The following KIAA0319L variants were observed in gnomAD, a reference collection of about 807,000 sequenced individuals.
KIAA0319L encodes dyslexia-associated protein KIAA0319-like protein.
A neutral mutation model predicts 120.1 loss-of-function variants in KIAA0319L; 55 were observed. That is an observed-to-expected ratio of 0.46 (90% CI 0.37 to 0.57). The LOEUF (loss-of-function observed/expected upper bound fraction) is 0.57, where lower values mean the gene tolerates loss of function less well. Ranked by LOEUF, KIAA0319L falls within the 20% of genes least tolerant of loss-of-function variation. The pLI is 0.00. For synonymous variants in KIAA0319L, 398 were observed against 471.9 expected (o/e 0.84, Z 2.03); for missense variants, 1,049 against 1,255.3 (o/e 0.84, Z 2.48).
chr1:35,482,780 T>C (rs1644228002), intron 3 of KIAA0319L, among the ~76,000 whole-genome samples: 1 of 152,188 alleles, frequency 6.6e-6, no homozygotes, highest in Admixed American at 6.5e-5. Context: ...GGTAAATACT[T>C]ATAAATAGAA....
At chr1:35,492,905 T>A (rs894849258) in intron 3 of KIAA0319L, among the ~76,000 whole-genome samples, 2 of 152,176 alleles carry the variant, frequency 1.3e-5, no homozygotes, top group African/African-American at 4.8e-5. Flanking sequence ...ACATCTGTAA[T>A]CCCAGCACAC....
At chr1:35,528,560 T>C (rs1303809263) in intron 2 of KIAA0319L, among the ~76,000 whole-genome samples, 1 of 152,230 alleles carries the variant, frequency 6.6e-6, no homozygotes, top group Non-Finnish European at 1.5e-5. Context: ...TAGAGAATGT[T>C]CCATGTGTTG....
intron 13 of KIAA0319L, 50 bp from the exon 14 acceptor site, chr1:35,450,559 A>C: frequency 6.5e-7 from 1 of 1,541,720 alleles, no homozygotes; most frequent in Non-Finnish European, 8.9e-7. Flanking sequence ...GAAAAGAAGA[A>C]ATGTTTCTTC....
intron 3 of KIAA0319L, among the ~76,000 whole-genome samples, chr1:35,491,331 C>T (rs1034788022): frequency 3.9e-5 from 6 of 152,072 alleles, no homozygotes; most frequent in African/African-American, 1.2e-4. Flanking sequence ...ACTATAAACC[C>T]ACATTCTAAT....
At chr1:35,492,144 T>C (rs1218660776) in intron 3 of KIAA0319L, among the ~76,000 whole-genome samples, 1 of 152,222 alleles carries the variant, frequency 6.6e-6, no homozygotes, top group African/African-American at 2.4e-5. Flanking sequence ...CAACTCATTC[T>C]ATGAGGCCAG....
intron 2 of KIAA0319L, among the ~76,000 whole-genome samples, chr1:35,513,839 G>C (rs1004627642): frequency 1.5e-4 from 23 of 152,148 alleles, no homozygotes; most frequent in Admixed American, 1.4e-3. Context: ...TTGTGAGAGT[G>C]ATGTCTTTAA....
At chr1:35,435,202 T>G (rs1406112749) in intron 20 of KIAA0319L, 121 bp from the exon 21 acceptor site, 4 of 884,068 alleles carry the variant, frequency 4.5e-6, no homozygotes, top group Non-Finnish European at 7.1e-6. Context: ...CTCTCCAGGC[T>G]GGGAGGTGCA....
chr1:35,457,308 G>A (rs1354080971), intron 9 of KIAA0319L, among the ~76,000 whole-genome samples: 2 of 151,968 alleles, frequency 1.3e-5, no homozygotes, highest in East Asian at 1.9e-4. Flanking sequence ...TGCAAGCTCC[G>A]TCTGCAGCAG....
At position 35,438,883 on chromosome 1, in the gene KIAA0319L, T is replaced by C. The variant is rs1158056223; in HGVS notation, c.2962+2164A>G. 3.9e-5 allele frequency: 6 copies of C among 152,626 alleles called. No individual in the cohort carries two copies. In the East Asian group the frequency reaches 1.2e-3, roughly 29 times the overall value. 9.5% of individuals were successfully genotyped at this position (152,626 alleles called of 1,614,324 possible). A position where few individuals can be genotyped will look rare whatever the true frequency, so the allele number is the denominator to read the frequency against. Reference sequence around the variant, plus strand: ...AAAAAAACCTGGGGATGGTGGCGCATGCCTGTGGTCCCAGCTACTTAGGAA... The same window carrying C: ...AAAAAAACCTGGGGATGGTGGCGCACGCCTGTGGTCCCAGCTACTTAGGAA... On this transcript the variant is annotated intron_variant, in intron 20 of 20. Coordinates refer to ENST00000325722, the MANE Select transcript of KIAA0319L (RefSeq NM_024874.5).
intron 2 of KIAA0319L, among the ~76,000 whole-genome samples, chr1:35,527,694 C>T (rs1241069876): frequency 2.0e-5 from 3 of 151,994 alleles, no homozygotes; most frequent in Middle Eastern, 3.2e-3. Context: ...ATGTATAGTT[C>T]ATGTTCTCTG....
chr1:35,543,823 T>A (rs941536931), intron 2 of KIAA0319L, among the ~76,000 whole-genome samples: 2 of 152,178 alleles, frequency 1.3e-5, no homozygotes, highest in Non-Finnish European at 2.9e-5. Flanking sequence ...GGGTGATAAT[T>A]AATCTCTCCC....
intron 20 of KIAA0319L, chr1:35,435,609 G>A (rs1358029019): frequency 1.3e-5 from 2 of 153,294 alleles, no homozygotes; most frequent in Non-Finnish European, 2.9e-5. Context: ...TAGGGTGGCA[G>A]AGTAGGTGCA....
chr1:35,464,396 G>A (rs1053935188), intron 7 of KIAA0319L, among the ~76,000 whole-genome samples: 3 of 152,214 alleles, frequency 2.0e-5, no homozygotes, highest in Non-Finnish European at 4.4e-5. Context: ...GAGACTGGCA[G>A]CATTTTGCCC....
At chr1:35,448,112 A>C in intron 16 of KIAA0319L, 61 bp downstream of exon 16, 1 of 1,477,912 alleles carries the variant, frequency 6.8e-7, no homozygotes. Context: ...TTCTCAGCTC[A>C]TTCAAGAAGC....
At chr1:35,486,399 GAA>G (rs1335247626) in intron 3 of KIAA0319L, among the ~76,000 whole-genome samples, 3 of 129,552 alleles carry the variant, frequency 2.3e-5, no homozygotes, top group Admixed American at 7.7e-5. Context: ...AAAAAAAAAA[GAA>G]TAAGTTTTTC....
chr1:35,449,201 C>T (rs1641864854), intron 15 of KIAA0319L, among the ~76,000 whole-genome samples: 1 of 152,112 alleles, frequency 6.6e-6, no homozygotes, highest in Non-Finnish European at 1.5e-5. Context: ...ATGAGGTTGG[C>T]CTAGATAATA....
rs181632436 is a variant in KIAA0319L, at chr1:35,472,527, A to G, written c.1016-1567T>C. Among the ~76,000 whole-genome samples the G allele has an allele frequency of 3.3e-3, 508 of 152,150 alleles. 2 individuals carry two copies. Among genetic ancestry groups the G allele is most frequent in the Non-Finnish European group, 4.7e-3 (317 of 67,964 alleles). On this transcript the variant is annotated intron_variant, in intron 5 of 20. Transcript: ENST00000325722. ...AGCTGGTCTCAAACTTCTGACCTCA[A>G]GTCAGGATCTGCCTGCCTCAGCCTC...
At chr1:35,462,565 T>C in intron 8 of KIAA0319L, 56 bp downstream of exon 8, 1 of 1,403,736 alleles carries the variant, frequency 7.1e-7, no homozygotes, top group Non-Finnish European at 1.0e-6. Flanking sequence ...TAGAGTTTTC[T>C]ATCAGAGTAC....
intron 2 of KIAA0319L, among the ~76,000 whole-genome samples, chr1:35,521,380 A>T (rs1645903943): frequency 6.6e-6 from 1 of 152,064 alleles, no homozygotes; most frequent in South Asian, 2.1e-4. Flanking sequence ...CACGCCTGTA[A>T]TCCCAGCACT....
Sources: gnomAD v4.1 joint callset for allele counts (sites outside exome capture counted in the v4.1 genomes callset) on GRCh38, gnomAD v4.1.1 for gene constraint, MANE v1.5 for transcripts, NCBI Gene and HGNC (gene_info 2026-07-23, HGNC 2026-07-21) for gene names.